The following SLC22A31 variants were observed in gnomAD, a reference collection of about 807,000 sequenced individuals.
The protein encoded by SLC22A31 is putative solute carrier family 22 member 31.
Under a neutral mutation model 27.4 loss-of-function variants are expected in SLC22A31, and 42 were observed. That is an observed-to-expected ratio of 1.53 (90% CI 1.20 to 1.98). The LOEUF (loss-of-function observed/expected upper bound fraction) is 1.98. Ranked by LOEUF, SLC22A31 falls within the 30% of genes most tolerant of loss-of-function variation. SLC22A31 has a pLI of 0.00. For missense variants in SLC22A31, 593 were observed against 479.9 expected (o/e 1.24, Z -2.20); for synonymous variants, 290 against 230.8 (o/e 1.26, Z -2.33).
chr16:89,195,936 A>T lies in SLC22A31; in HGVS notation c.*63T>A. ...CTGCCCTGGACCAGACGTCTGGGGTACTCAGCCATGCCCCAGGCCTTGACT... is the reference window on the plus strand; with the variant it reads ...CTGCCCTGGACCAGACGTCTGGGGTTCTCAGCCATGCCCCAGGCCTTGACT... On this transcript the variant is annotated 3_prime_UTR_variant, in exon 9 of 9. Transcript: ENST00000682282. The T allele has an allele frequency of 7.0e-7, 1 of 1,425,346 alleles. No individual in the cohort carries two copies. The allele number at this position is 1,425,346 out of a possible 1,614,324, so 88.3% of individuals were successfully genotyped here. A position where few individuals can be genotyped will look rare whatever the true frequency, so the allele number is the denominator to read the frequency against.
At chr16:89,200,025 G>A (rs1267176273) in intron 1 of SLC22A31, 1 of 393,050 alleles carries the variant, frequency 2.5e-6, no homozygotes, top group Non-Finnish European at 4.5e-6. Context: ...CCTGCACAGG[G>A]GTCGGGGGGA....
chr16:89,196,845 C>CT, intron 8 of SLC22A31, among the ~76,000 whole-genome samples: 1 of 151,620 alleles, frequency 6.6e-6, no homozygotes, highest in South Asian at 2.1e-4. Context: ...ACTCAGGAGG[C>CT]TGAGGCAGGA....
rs1915882681 is a variant in SLC22A31 at position 89,196,211 on chromosome 16, G to A, written c.1129C>T (p.Gln377Ter). ...TLHGRQGFFL[Q>*]QVVFASLAVL... ...GCAAGGGAGGCGAAGACGACTTGTT[G>A]CAGGAAGAAGCCCTGCCGGCCGTGC... Residue 377 changes from glutamine (Q) to a stop codon, truncating the protein, a stop_gained, in exon 9 of 9, where the codon CAA becomes TAA. Coordinates refer to ENST00000682282, the MANE Select transcript of SLC22A31 (RefSeq NM_001384763.1). LOFTEE classifies it low-confidence loss of function (END_TRUNC). The A allele has an allele frequency of 4.6e-6, 7 of 1,534,908 alleles. No individual in the cohort carries two copies. The highest frequency in any genetic ancestry group is 6.1e-6 in the Non-Finnish European group (7 of 1,146,494).
chr16:89,198,128 C>T lies in SLC22A31; in HGVS notation c.916G>A (p.Ala306Thr). ...TGCGGGGCCCCAAGCTCACACTGGG[C>T]CCCAGCGAGGAGCAGCAGGGATGCC... Reference protein sequence around the residue: ...GLASLLLLAGAQYLPGWTVLF... With the variant: ...GLASLLLLAGTQYLPGWTVLF... Residue 306 changes from alanine (A) to threonine (T), a missense_variant, in exon 7 of 9, where the codon GCC becomes ACC. Coordinates refer to ENST00000682282, the MANE Select transcript of SLC22A31 (RefSeq NM_001384763.1). 6.5e-7 allele frequency: 1 copy of T among 1,532,836 alleles called. No homozygotes were observed. Among genetic ancestry groups the T allele is most frequent in the Non-Finnish European group, 8.7e-7 (1 of 1,146,594 alleles). The allele number at this position is 1,532,836 out of a possible 1,614,324, so 95.0% of individuals were successfully genotyped here. A position where few individuals can be genotyped will look rare whatever the true frequency, so the allele number is the denominator to read the frequency against.
At chr16:89,201,190 G>T (rs1916582060), upstream of SLC22A31, 2 of 376,984 alleles carry the variant, frequency 5.3e-6, no homozygotes, top group South Asian at 2.6e-4. Context: ...AGGTAGGATG[G>T]AGAAAGGACA....
upstream of SLC22A31, chr16:89,201,626 G>T (rs531774636): frequency 1.7e-3 from 686 of 398,164 alleles, 1 homozygote; most frequent in Non-Finnish European, 2.1e-3. Flanking sequence ...CCCGGCCAAA[G>T]CCGCCCGCAG....
At chr16:89,198,367 C>G in intron 6 of SLC22A31, 31 bp from the exon 7 acceptor site, 1 of 1,534,958 alleles carries the variant, frequency 6.5e-7, no homozygotes, top group Non-Finnish European at 8.7e-7. Flanking sequence ...ATGGGCCCAG[C>G]CAGAGCCGGG....
chr16:89,197,372 C>T lies in SLC22A31; in HGVS notation c.960G>A (p.Leu320=). ...PGWTVLFLSV[L]GLLASRAVSA... is the part of the protein sequence containing the mutation. ...ACACAGCCCGGGAGGCCAGGAGCCC[C>T]AGGACAGAGAGGAACAGCACAGTCC... Residue 320 remains leucine, a synonymous_variant, in exon 8 of 9, where the codon CTG becomes CTA. Coordinates refer to ENST00000682282, the MANE Select transcript of SLC22A31 (RefSeq NM_001384763.1). 1 of 1,535,800 alleles carries T rather than the reference C, an allele frequency of 6.5e-7. No individual in the cohort carries two copies. Among genetic ancestry groups the T allele is most frequent in the Non-Finnish European group, 8.7e-7 (1 of 1,146,774 alleles).
At chr16:89,199,309 T>G in intron 3 of SLC22A31, 104 bp downstream of exon 3, 19 of 1,040,434 alleles carry the variant, frequency 1.8e-5, no homozygotes, top group Non-Finnish European at 2.6e-5. Context: ...AGGGACTCAC[T>G]GCTCACTGTC....
rs1458011471 is a variant in SLC22A31 at position 89,199,158 on chromosome 16, G to A, written c.317C>T (p.Ala106Val). Residue 106 changes from alanine to valine, a missense_variant, in exon 4 of 9, where the codon GCC (alanine) becomes GTC (valine). Physicochemically the swap from Ala to Val is moderately conservative, Grantham distance 64. Coordinates refer to ENST00000682282, the MANE Select transcript of SLC22A31 (RefSeq NM_001384763.1). ...LELCDPPHRL[A>V]FSMGAGLFSV... ...GAAAAGGCCAGCCCCCATGGAGAAGGCCAGGCGGTGGGGAGGGTCACACAA... is the reference window on the plus strand; with the variant it reads ...GAAAAGGCCAGCCCCCATGGAGAAGACCAGGCGGTGGGGAGGGTCACACAA... 5.9e-6 allele frequency: 9 copies of A among 1,532,236 alleles called. No homozygotes were observed. The Admixed American group carries it at 1.4e-4, about 24-fold the overall frequency. 94.9% of individuals were successfully genotyped at this position (1,532,236 alleles called of 1,614,324 possible). A position where few individuals can be genotyped will look rare whatever the true frequency, so the allele number is the denominator to read the frequency against.
At position 89,196,114 on chromosome 16, in the gene SLC22A31, T is replaced by C. The variant is rs1200123608; in HGVS notation, c.1226A>G (p.Asp409Gly). The C allele has an allele frequency of 3.3e-6, 5 of 1,534,100 alleles. No homozygotes were observed. The highest frequency in any genetic ancestry group is 8.7e-7 in the Non-Finnish European group (1 of 1,146,460). ...RSRGLPQSLQ[D>G]ADRLRRSPLL... ...TGGGGAGCGGCGCAGGCGGTCGGCG[T>C]CCTGCAGTGACTGGGGCAGCCCCCG... The change falls in exon 9 of 9, where the codon GAC becomes GGC. Residue 409 changes from aspartate (D) to glycine (G), a missense_variant. Asp to Gly is a moderately conservative substitution (Grantham distance 94). Coordinates refer to ENST00000682282, the MANE Select transcript of SLC22A31 (RefSeq NM_001384763.1).
upstream of SLC22A31, among the ~76,000 whole-genome samples, chr16:89,200,571 C>T (rs1243295088): frequency 6.6e-6 from 1 of 152,188 alleles, no homozygotes; most frequent in African/African-American, 2.4e-5. Flanking sequence ...GAGAGAGAAG[C>T]CCGGCGGGTT....
upstream of SLC22A31, among the ~76,000 whole-genome samples, chr16:89,200,703 G>C (rs1916506384): frequency 6.6e-6 from 1 of 151,640 alleles, no homozygotes; most frequent in African/African-American, 2.4e-5. Context: ...GGGGTGTGCA[G>C]GTCTCAGCCC....
intron 3 of SLC22A31, 28 bp downstream of exon 3, chr16:89,199,385 C>G (rs892574234): frequency 6.7e-6 from 4 of 596,914 alleles, no homozygotes; most frequent in Non-Finnish European, 1.2e-5. Context: ...GCCCCTCCCC[C>G]AGTGACAGCA....
At chr16:89,196,944 CAA>C (rs557294357) in intron 8 of SLC22A31, among the ~76,000 whole-genome samples, 31 of 115,672 alleles carry the variant, frequency 2.7e-4, no homozygotes, top group Admixed American at 2.6e-4. Flanking sequence ...GACTCCATCT[CAA>C]AAAAAAAAAA....
upstream of SLC22A31, chr16:89,201,192 G>C: frequency 2.7e-6 from 1 of 376,462 alleles, no homozygotes; most frequent in Non-Finnish European, 4.7e-6. Context: ...GTAGGATGGA[G>C]AAAGGACACC....
chr16:89,198,059 G>C (rs897166461), intron 7 of SLC22A31, 63 bp downstream of exon 7: 3 of 1,505,372 alleles, frequency 2.0e-6, no homozygotes, highest in Admixed American at 4.0e-5. Flanking sequence ...TGGCCCCCTG[G>C]TGTGGCAGAC....
rs1391236102 is a variant in SLC22A31, at chr16:89,198,566, T to A, written c.599-16A>T. The stretch of plus-strand genomic sequence containing the variant: ...ATGGTCAGCTCTGTAGCCGCAGAGA[T>A]GTGAGGGGAGGGGGGTGAGGAGCTG... On this transcript the variant is annotated splice_polypyrimidine_tract_variant and intron_variant, in intron 5 of 8. Coordinates refer to ENST00000682282, the MANE Select transcript of SLC22A31 (RefSeq NM_001384763.1). The A allele has an allele frequency of 6.6e-7, 1 of 1,512,052 alleles. No homozygotes were observed. The highest frequency in any genetic ancestry group is 8.8e-7 in the Non-Finnish European group (1 of 1,131,022). 93.7% of individuals were successfully genotyped at this position (1,512,052 alleles called of 1,614,324 possible).
At position 89,199,814 on chromosome 16, in the gene SLC22A31, C is replaced by T; in HGVS notation, c.27G>A (p.Trp9Ter). 2.5e-6 allele frequency: 1 copy of T among 402,626 alleles called. No homozygotes were observed. The highest frequency in any genetic ancestry group is 3.6e-5 in the East Asian group (1 of 28,094). The allele number at this position is 402,626 out of a possible 1,614,324, so 24.9% of individuals were successfully genotyped here. A position where few individuals can be genotyped will look rare whatever the true frequency, so the allele number is the denominator to read the frequency against. ...TCCAGCCGTCTCCACACACAAGGTT[C>T]CACTATGGGGAACAGCAGCCACGTG... MPHQLSQN[W>*]NLVCGDGWKV... Residue 9 changes from tryptophan to a stop codon, truncating the protein, a stop_gained and splice_region_variant, in exon 2 of 9, where the codon TGG becomes TGA. Transcript: ENST00000682282. LOFTEE classifies it high-confidence loss of function.
Sources: allele counts gnomAD v4.1 joint callset (sites outside exome capture counted in the v4.1 genomes callset), GRCh38; gene constraint gnomAD v4.1.1; transcripts MANE v1.5; gene names NCBI Gene and HGNC (gene_info 2026-07-23, HGNC 2026-07-21).